Variants in CLDN9 observed in about 807,000 individuals in gnomAD.
CLDN9 encodes claudin-9.
A neutral mutation model predicts 10.1 loss-of-function variants in CLDN9; 14 were observed. The ratio of observed to expected loss-of-function variants is 1.38; its 90% CI spans 0.91 to 2.16. CLDN9 has a LOEUF of 2.16. Ranked by LOEUF, CLDN9 falls within the 30% of genes most tolerant of loss-of-function variation. CLDN9 has a pLI of 0.00. For missense variants in CLDN9, 332 were observed against 294.8 expected (o/e 1.13, Z -0.93); for synonymous variants, 162 against 143.1 (o/e 1.13, Z -0.95).
Position 3,013,969 on chromosome 16 carries a change from C to G in CLDN9, c.607C>G (p.Pro203Ala). 6.5e-7 allele frequency: 1 copy of G among 1,539,904 alleles called. No homozygotes were observed. Among genetic ancestry groups the G allele is most frequent in the Non-Finnish European group, 8.7e-7 (1 of 1,148,192 alleles). ...CGGACCTCGGCTGGGCTACTCCATC[C>G]CCTCCCGCTCGGGTGCATCTGGACT... ...PRGPRLGYSI[P>A]SRSGASGLDK... is the part of the protein sequence containing the mutation. The change falls in exon 1 of 1, where the codon CCC becomes GCC. Residue 203 changes from proline (P) to alanine (A), a missense_variant. By Grantham distance (27) the Pro-to-Ala change is conservative. Coordinates refer to ENST00000445369, the MANE Select transcript of CLDN9 (RefSeq NM_020982.4). The surrounding 1 kb of genome is among the most constrained non-coding windows in gnomAD (Gnocchi z 6.4).
Position 3,013,659 on chromosome 16 carries a change from C to G in CLDN9, c.297C>G (p.Ile99Met), listed in dbSNP as rs745408590. Residue 99 changes from isoleucine (I) to methionine (M), a missense_variant, in exon 1 of 1, where the codon ATC becomes ATG. Ile to Met is a conservative substitution (Grantham distance 10). Transcript: ENST00000445369. The surrounding 1 kb of genome is among the most constrained non-coding windows in gnomAD (Gnocchi z 6.4). ...CCCTGCTTGGCCTCCTGGTGGCCAT[C>G]ACAGGTGCCCAGTGTACCACGTGTG... ...LLALLGLLVA[I>M]TGAQCTTCVE... The G allele has an allele frequency of 4.3e-6, 7 of 1,613,986 alleles. No homozygotes were observed. Among genetic ancestry groups the G allele is most frequent in the Non-Finnish European group, 5.9e-6 (7 of 1,180,002 alleles).
Position 3,013,596 on chromosome 16 carries a change from G to T in CLDN9, c.234G>T (p.Gln78His). The stretch of plus-strand genomic sequence containing the variant: ...TGCTGGCTCTGCCGCAGGACCTGCA[G>T]GCCGCACGTGCCCTCTGTGTCATTG... ...DSLLALPQDL[Q>H]AARALCVIAL... Residue 78 changes from glutamine to histidine, a missense_variant, in exon 1 of 1, where the codon CAG (glutamine) becomes CAT (histidine). Gln to His is a conservative substitution (Grantham distance 24). Coordinates refer to ENST00000445369, the MANE Select transcript of CLDN9 (RefSeq NM_020982.4). The surrounding 1 kb of genome is among the most constrained non-coding windows in gnomAD (Gnocchi z 6.4). The T allele has an allele frequency of 1.2e-6, 2 of 1,614,050 alleles. No individual in the cohort carries two copies. The highest frequency in any genetic ancestry group is 1.7e-6 in the Non-Finnish European group (2 of 1,180,006).
At position 3,013,864 on chromosome 16, in the gene CLDN9, T is replaced by A. The variant is rs2072546359; in HGVS notation, c.502T>A (p.Trp168Arg). ...RELGASLYLG[W>R]AAAALLMLGG... ...GCTGGGGGCCTCCCTCTACCTGGGC[T>A]GGGCGGCGGCTGCACTGCTTATGCT... is the stretch of plus-strand genomic sequence containing the variant. Residue 168 changes from tryptophan (W) to arginine (R), a missense_variant, in exon 1 of 1, where the codon TGG (tryptophan) becomes AGG (arginine). Physicochemically the swap from Trp to Arg is moderately radical, Grantham distance 101. Coordinates refer to ENST00000445369, the MANE Select transcript of CLDN9 (RefSeq NM_020982.4). The surrounding 1 kb of genome is among the most constrained non-coding windows in gnomAD (Gnocchi z 6.4). 6.2e-7 allele frequency: 1 copy of A among 1,612,056 alleles called. No individual in the cohort carries two copies. Among genetic ancestry groups the A allele is most frequent in the African/African-American group, 1.3e-5 (1 of 74,896 alleles).
rs2072541089 is a variant in CLDN9 at position 3,013,390 on chromosome 16, G to T, written c.28G>T (p.Gly10Cys). 6.2e-7 allele frequency: 1 copy of T among 1,613,642 alleles called. No individual in the cohort carries two copies. The highest frequency in any genetic ancestry group is 1.1e-5 in the South Asian group (1 of 91,052). Residue 10 changes from glycine to cysteine, a missense_variant, in exon 1 of 1, where the codon GGC becomes TGC. Transcript: ENST00000445369. This position sits in a 1 kb window ranked among gnomAD's most constrained non-coding sequence, Gnocchi z 6.4. ...GGCTTCGACCGGCTTAGAACTGCTGGGCATGACCCTGGCTGTGCTGGGCTG... is the reference window on the plus strand; with the variant it reads ...GGCTTCGACCGGCTTAGAACTGCTGTGCATGACCCTGGCTGTGCTGGGCTG... MASTGLELL[G>C]MTLAVLGWLG...
In CLDN9 at chr16:3,014,271, CCA is replaced by C. The variant is rs897144622; in HGVS notation, c.*256_*257del. The C allele has an allele frequency of 9.0e-5, 38 of 424,544 alleles. No individual in the cohort carries two copies. Among genetic ancestry groups the C allele is most frequent in the Admixed American group, 3.7e-4 (9 of 24,614 alleles). The allele number at this position is 424,544 out of a possible 1,614,324, so 26.3% of individuals were successfully genotyped here. A position where few individuals can be genotyped will look rare whatever the true frequency, so the allele number is the denominator to read the frequency against. On this transcript the variant is annotated 3_prime_UTR_variant, in exon 1 of 1. Transcript: ENST00000445369. ...GGAACCCTGGCCTGCCCCCACCTCC[CCA>C]GTAATTGTTTCCTTCCGTTGCCCAG...
At position 3,013,964 on chromosome 16, in the gene CLDN9, C is replaced by G. The variant is rs540207743; in HGVS notation, c.602C>G (p.Ser201Cys). The G allele has an allele frequency of 1.7e-5, 26 of 1,544,994 alleles. No homozygotes were observed. In the Middle Eastern group the frequency reaches 8.7e-4, roughly 52 times the overall value. ...ERPRGPRLGY[S>C]IPSRSGASGL... is the part of the protein sequence containing the mutation. ...CCCCGCGGACCTCGGCTGGGCTACT[C>G]CATCCCCTCCCGCTCGGGTGCATCT... The change falls in exon 1 of 1, where the codon TCC becomes TGC. Residue 201 changes from serine to cysteine, a missense_variant. Transcript: ENST00000445369. The surrounding 1 kb of genome is among the most constrained non-coding windows in gnomAD (Gnocchi z 6.4).
Position 3,014,066 on chromosome 16 carries a change from C to T in CLDN9, c.*50C>T, listed in dbSNP as rs767399664. The T allele has an allele frequency of 1.3e-5, 20 of 1,495,568 alleles. No individual in the cohort carries two copies. The African/African-American group carries it at 2.0e-4, about 15-fold the overall frequency. 92.6% of individuals were successfully genotyped at this position (1,495,568 alleles called of 1,614,324 possible). ...ACTGCTCCCCACTGCCCCGCCCTTT[C>T]GACCTTGGCCTGATGACCAGATGCC... On this transcript the variant is annotated 3_prime_UTR_variant, in exon 1 of 1. Coordinates refer to ENST00000445369, the MANE Select transcript of CLDN9 (RefSeq NM_020982.4).
Position 3,013,358 on chromosome 16 carries a change from G to T in CLDN9, c.-5G>T. 6.2e-7 allele frequency: 1 copy of T among 1,607,416 alleles called. No individual in the cohort carries two copies. On this transcript the variant is annotated 5_prime_UTR_variant, in exon 1 of 1. Coordinates refer to ENST00000445369, the MANE Select transcript of CLDN9 (RefSeq NM_020982.4). The surrounding 1 kb of genome is among the most constrained non-coding windows in gnomAD (Gnocchi z 6.4). ...GGGGCTGAGAAGACCTAACCGAGGG[G>T]CCAGATGGCTTCGACCGGCTTAGAA...
Position 3,014,099 on chromosome 16 carries a change from A to T in CLDN9, c.*83A>T. The stretch of plus-strand genomic sequence containing the variant: ...GCCTGATGACCAGATGCCCTGCTCC[A>T]TCACAACCTCCTTCCCCAGGAAAAC... On this transcript the variant is annotated 3_prime_UTR_variant, in exon 1 of 1. Coordinates refer to ENST00000445369, the MANE Select transcript of CLDN9 (RefSeq NM_020982.4). 1 of 1,397,470 alleles carries T rather than the reference A, an allele frequency of 7.2e-7. No individual in the cohort carries two copies. The highest frequency in any genetic ancestry group is 9.6e-7 in the Non-Finnish European group (1 of 1,039,266). 86.6% of individuals were successfully genotyped at this position (1,397,470 alleles called of 1,614,324 possible).
Position 3,013,439 on chromosome 16 carries a change from C to A in CLDN9, c.77C>A (p.Ala26Asp). ...LGWLGTLVSCALPLWKVTAFI... is the reference protein window; with the variant it reads ...LGWLGTLVSCDLPLWKVTAFI... ...TGGCTGGGGACCCTGGTGTCCTGCG[C>A]CCTGCCCCTGTGGAAGGTGACCGCC... The change falls in exon 1 of 1, where the codon GCC becomes GAC. Residue 26 changes from alanine (A) to aspartate (D), a missense_variant. Transcript: ENST00000445369. This position sits in a 1 kb window ranked among gnomAD's most constrained non-coding sequence, Gnocchi z 6.4. 2.5e-6 allele frequency: 4 copies of A among 1,614,108 alleles called. No homozygotes were observed. The highest frequency in any genetic ancestry group is 3.4e-6 in the Non-Finnish European group (4 of 1,180,012).
chr16:3,013,313 C>G lies in CLDN9; in HGVS notation c.-50C>G. On this transcript the variant is annotated 5_prime_UTR_variant, in exon 1 of 1. Coordinates refer to ENST00000445369, the MANE Select transcript of CLDN9 (RefSeq NM_020982.4). This position sits in a 1 kb window ranked among gnomAD's most constrained non-coding sequence, Gnocchi z 6.4. ...CCACCCAGCACACCAGACACACCCT[C>G]TGAGTCACCTAGGCCGCCTGGGGCT... The G allele has an allele frequency of 1.9e-6, 3 of 1,556,680 alleles. No homozygotes were observed. Among genetic ancestry groups the G allele is most frequent in the Non-Finnish European group, 2.6e-6 (3 of 1,155,042 alleles).
chr16:3,013,134 C>A lies in CLDN9; in HGVS notation c.-229C>A. The A allele has an allele frequency of 1.7e-6, 1 of 581,404 alleles. No individual in the cohort carries two copies. Among genetic ancestry groups the A allele is most frequent in the South Asian group, 2.1e-5 (1 of 46,902 alleles). 36.0% of individuals were successfully genotyped at this position (581,404 alleles called of 1,614,324 possible). A position where few individuals can be genotyped will look rare whatever the true frequency, so the allele number is the denominator to read the frequency against. On this transcript the variant is annotated 5_prime_UTR_variant, in exon 1 of 1. Coordinates refer to ENST00000445369, the MANE Select transcript of CLDN9 (RefSeq NM_020982.4). The surrounding 1 kb of genome is among the most constrained non-coding windows in gnomAD (Gnocchi z 6.4). The stretch of plus-strand genomic sequence containing the variant: ...ACACCCACCACTCAGCCGAGCGGGA[C>A]TACGAGTCTGCTTTGTGCTCCGCGA...
Position 3,013,626 on chromosome 16 carries a change from C to T in CLDN9, c.264C>T (p.Leu88=), listed in dbSNP as rs1470379147. Residue 88 remains leucine (L), a synonymous_variant, in exon 1 of 1, where the codon CTC becomes CTT. Transcript: ENST00000445369. This position sits in a 1 kb window ranked among gnomAD's most constrained non-coding sequence, Gnocchi z 6.4. The part of the protein sequence containing the change: ...QAARALCVIA[L]LLALLGLLVA... The stretch of plus-strand genomic sequence containing the variant: ...CACGTGCCCTCTGTGTCATTGCCCT[C>T]CTGCTGGCCCTGCTTGGCCTCCTGG... 6.2e-7 allele frequency: 1 copy of T among 1,614,034 alleles called. No homozygotes were observed. The highest frequency in any genetic ancestry group is 1.7e-5 in the Admixed American group (1 of 60,026).
rs376124691 is a variant in CLDN9 at position 3,013,984 on chromosome 16, G to A, written c.622G>A (p.Ala208Thr). ...CTACTCCATCCCCTCCCGCTCGGGT[G>A]CATCTGGACTGGACAAGAGGGACTA... is the stretch of plus-strand genomic sequence containing the variant. ...LGYSIPSRSG[A>T]SGLDKRDYV The change falls in exon 1 of 1, where the codon GCA (alanine) becomes ACA (threonine). Residue 208 changes from alanine (A) to threonine (T), a missense_variant. Ala to Thr is a moderately conservative substitution (Grantham distance 58, BLOSUM62 0). Transcript: ENST00000445369. This position sits in a 1 kb window ranked among gnomAD's most constrained non-coding sequence, Gnocchi z 6.4. The A allele has an allele frequency of 2.0e-6, 3 of 1,531,528 alleles. No homozygotes were observed. Among genetic ancestry groups the A allele is most frequent in the South Asian group, 1.3e-5 (1 of 77,000 alleles). 94.9% of individuals were successfully genotyped at this position (1,531,528 alleles called of 1,614,324 possible). A position where few individuals can be genotyped will look rare whatever the true frequency, so the allele number is the denominator to read the frequency against.
chr16:3,013,223 A>C lies in CLDN9; in HGVS notation c.-140A>C. The C allele has an allele frequency of 1.0e-6, 1 of 961,364 alleles. No individual in the cohort carries two copies. The highest frequency in any genetic ancestry group is 1.5e-6 in the Non-Finnish European group (1 of 665,726). 59.6% of individuals were successfully genotyped at this position (961,364 alleles called of 1,614,324 possible). Reference sequence around the variant, plus strand: ...CCTTTCAAGAGGCGCCTTTCATGGAACTGAGGACTGGCCTGGCTTGGGGAC... The same window carrying C: ...CCTTTCAAGAGGCGCCTTTCATGGACCTGAGGACTGGCCTGGCTTGGGGAC... On this transcript the variant is annotated 5_prime_UTR_variant, in exon 1 of 1. Coordinates refer to ENST00000445369, the MANE Select transcript of CLDN9 (RefSeq NM_020982.4). This position sits in a 1 kb window ranked among gnomAD's most constrained non-coding sequence, Gnocchi z 6.4.
In CLDN9 at chr16:3,013,531, C is replaced by T; in HGVS notation, c.169C>T (p.Gln57Ter). Residue 57 changes from glutamine (Q) to a stop codon, truncating the protein, a stop_gained, in exon 1 of 1, where the codon CAG becomes TAG. Coordinates refer to ENST00000445369, the MANE Select transcript of CLDN9 (RefSeq NM_020982.4). LOFTEE classifies it high-confidence loss of function. The surrounding 1 kb of genome is among the most constrained non-coding windows in gnomAD (Gnocchi z 6.4). ...WEGLWMSCVV[Q>*]STGQMQCKVY... ...GGGCCTGTGGATGTCCTGCGTGGTG[C>T]AGAGCACGGGCCAGATGCAGTGCAA... is the stretch of plus-strand genomic sequence containing the variant. 1 of 1,613,970 alleles carries T rather than the reference C, an allele frequency of 6.2e-7. No homozygotes were observed. Among genetic ancestry groups the T allele is most frequent in the South Asian group, 1.1e-5 (1 of 91,078 alleles).
chr16:3,013,608 CCT>C lies in CLDN9; in HGVS notation c.249_250del (p.Val85HisfsTer69), dbSNP rs1367788379. 9 of 1,613,934 alleles carry C rather than the reference CCT, an allele frequency of 5.6e-6. No homozygotes were observed. Among genetic ancestry groups the C allele is most frequent in the East Asian group, 2.2e-5 (1 of 44,894 alleles). ...LPQDLQAARALCVIALLLALL... is the reference protein window; with the variant it reads ...LPQDLQAARAXCVIALLLALL... The stretch of plus-strand genomic sequence containing the variant: ...CGCAGGACCTGCAGGCCGCACGTGC[CCT>C]CTGTGTCATTGCCCTCCTGCTGGCC... On this transcript the variant is annotated frameshift_variant, in exon 1 of 1. Transcript: ENST00000445369. LOFTEE classifies it high-confidence loss of function. The surrounding 1 kb of genome is among the most constrained non-coding windows in gnomAD (Gnocchi z 6.4).
chr16:3,013,721 C>G lies in CLDN9; in HGVS notation c.359C>G (p.Thr120Ser). The change falls in exon 1 of 1, where the codon ACC becomes AGC. Residue 120 changes from threonine to serine, a missense_variant. Thr to Ser is a moderately conservative substitution (Grantham distance 58). Transcript: ENST00000445369. The surrounding 1 kb of genome is among the most constrained non-coding windows in gnomAD (Gnocchi z 6.4). ...DEGAKARIVL[T>S]AGVILLLAGI... ...GGTGCCAAGGCCCGTATCGTGCTCA[C>G]CGCGGGGGTCATCCTCCTCCTCGCC... The G allele has an allele frequency of 1.9e-6, 3 of 1,613,666 alleles. No homozygotes were observed. In the East Asian group the frequency reaches 6.7e-5, roughly 36 times the overall value.
chr16:3,013,827 CCTCAAGCGGGAGCTGGGGGCCT>C lies in CLDN9; in HGVS notation c.467_488del (p.Leu156ProfsTer213). 1 of 1,612,806 alleles carries C rather than the reference CCTCAAGCGGGAGCTGGGGGCCT, an allele frequency of 6.2e-7. No homozygotes were observed. Among genetic ancestry groups the C allele is most frequent in the Non-Finnish European group, 8.5e-7 (1 of 1,179,844 alleles). On this transcript the variant is annotated frameshift_variant, in exon 1 of 1. Transcript: ENST00000445369. LOFTEE classifies it high-confidence loss of function. This position sits in a 1 kb window ranked among gnomAD's most constrained non-coding sequence, Gnocchi z 6.4. Reference sequence around the variant, plus strand: ...TCTACAACCCCCTGGTGGCTGAGGCCCTCAAGCGGGAGCTGGGGGCCTCCCTCTACCTGGGCTGGGCGGCGGC... The same window carrying C: ...TCTACAACCCCCTGGTGGCTGAGGCCCCCTCTACCTGGGCTGGGCGGCGGC...
Sources: allele counts gnomAD v4.1 joint callset, GRCh38; gene constraint gnomAD v4.1.1; non-coding constraint Gnocchi (gnomAD v3.1); transcripts MANE v1.5; gene names NCBI Gene and HGNC (gene_info 2026-07-23, HGNC 2026-07-21).